Variants in ZNF701 observed in about 807,000 individuals in gnomAD.
ZNF701 encodes the protein zinc finger protein 701.
Under a neutral mutation model 7.1 loss-of-function variants are expected in ZNF701, and 6 were observed. The ratio of observed to expected loss-of-function variants is 0.84; its 90% CI spans 0.46 to 1.66. The LOEUF is 1.66. ZNF701 is among the 40% of genes most tolerant of loss of function. The pLI, the probability that ZNF701 is intolerant of heterozygous loss-of-function variation, is 0.01. For synonymous variants in ZNF701, 166 were observed against 188.2 expected, an observed-to-expected ratio of 0.88 and a Z score of 0.97; for missense variants, 541 against 559.2, an observed-to-expected ratio of 0.97 and a Z score of 0.33.
chr19:52,570,571 G>A (rs576546592), intron 1 of ZNF701: 36 of 152,376 alleles, frequency 2.4e-4, no homozygotes, highest in African/African-American at 8.4e-4. Context: ...CTATCGCGTA[G>A]TTTCTGTGCT....
chr19:52,599,538 C>T, the ZNF701 span, among the ~76,000 whole-genome samples: 1 of 152,108 alleles, frequency 6.6e-6, no homozygotes, highest in African/African-American at 2.4e-5. Context: ...GATAAAGTAA[C>T]CTTCCTTGAA....
downstream of ZNF701, chr19:52,588,558 G>A: frequency 2.6e-6 from 1 of 385,238 alleles, no homozygotes; most frequent in Non-Finnish European, 5.0e-6. Flanking sequence ...CTCATGCTAT[G>A]TAAGGAAGCC....
chr19:52,593,750 A>T, the ZNF701 span, among the ~76,000 whole-genome samples: 1 of 103,366 alleles, frequency 9.7e-6, no homozygotes, highest in African/African-American at 3.8e-5. Flanking sequence ...CGCTCCTCAC[A>T]TCCCAGACGG....
chr19:52,597,606 C>T, the ZNF701 span: 5 of 357,530 alleles, frequency 1.4e-5, no homozygotes, highest in South Asian at 2.2e-5. Flanking sequence ...CTTTGGGAGC[C>T]CAAGGCTGAT....
downstream of ZNF701, among the ~76,000 whole-genome samples, chr19:52,589,357 C>T (rs1430748227): frequency 6.6e-6 from 1 of 152,098 alleles, no homozygotes; most frequent in Admixed American, 6.6e-5. Context: ...CTTTGCTGAG[C>T]ATACTTTTCA....
chr19:52,582,839 C>CCAT lies in ZNF701; in HGVS notation c.781_783dup (p.His261dup). On this transcript the variant is annotated inframe_insertion, in exon 4 of 4. Coordinates refer to ENST00000391785, the MANE Select transcript of ZNF701 (RefSeq NM_018260.3). ...TTCATCAGAAGCGATACCTTGCATGCCATAGATGTCACACTGGTGAGAATC... is the reference window on the plus strand; with the variant it reads ...TTCATCAGAAGCGATACCTTGCATGCCATCATAGATGTCACACTGGTGAGAATC... 2 of 1,614,106 alleles carry CCAT rather than the reference C, an allele frequency of 1.2e-6. No individual in the cohort carries two copies. The highest frequency in any genetic ancestry group is 1.7e-6 in the Non-Finnish European group (2 of 1,180,012).
chr19:52,588,794 A>G (rs2060025529), downstream of ZNF701, among the ~76,000 whole-genome samples: 2 of 152,052 alleles, frequency 1.3e-5, no homozygotes, highest in South Asian at 4.1e-4. Context: ...CCCAGGCTGG[A>G]GTTCACTGGA....
intron 3 of ZNF701, among the ~76,000 whole-genome samples, chr19:52,578,545 T>G (rs995011306): frequency 6.6e-5 from 10 of 152,286 alleles, no homozygotes; most frequent in African/African-American, 2.2e-4. Context: ...TTGTCTTATG[T>G]CTTTATTTAT....
Position 52,582,784 on chromosome 19 carries a change from A to G in ZNF701, c.725A>G (p.Gln242Arg), listed in dbSNP as rs2059984313. ...KHQIIHLGDKQYKCDVCGKDF... is the reference protein window; with the variant it reads ...KHQIIHLGDKRYKCDVCGKDF... ...CAGATAATCCATTTAGGAGACAAAC[A>G]GTATAAATGTGATGTATGCGGCAAG... is the stretch of plus-strand genomic sequence containing the variant. Residue 242 changes from glutamine (Q) to arginine (R), a missense_variant, in exon 4 of 4, where the codon CAG becomes CGG. Gln to Arg is a conservative substitution (Grantham distance 43, BLOSUM62 1). Transcript: ENST00000391785. 6.2e-7 allele frequency: 1 copy of G among 1,614,218 alleles called. No homozygotes were observed. The highest frequency in any genetic ancestry group is 2.2e-5 in the East Asian group (1 of 44,884).
intron 3 of ZNF701, among the ~76,000 whole-genome samples, chr19:52,580,011 A>T (rs1188806703): frequency 2.1e-5 from 3 of 142,554 alleles, no homozygotes; most frequent in African/African-American, 9.1e-5. Context: ...GCACGATCTC[A>T]GCTCACTGCA....
At chr19:52,574,425 G>A (rs2059920260) in intron 2 of ZNF701, among the ~76,000 whole-genome samples, 1 of 152,162 alleles carries the variant, frequency 6.6e-6, no homozygotes, top group Non-Finnish European at 1.5e-5. Context: ...TGAGGGTCCC[G>A]CAGTGTCAGT....
the ZNF701 span, among the ~76,000 whole-genome samples, chr19:52,593,375 AC>A: frequency 8.8e-6 from 1 of 114,174 alleles, no homozygotes; most frequent in Non-Finnish European, 1.9e-5. Flanking sequence ...GGCGCCCCTC[AC>A]CTCCCGGATG....
chr19:52,598,267 C>G, the ZNF701 span, among the ~76,000 whole-genome samples: 4 of 152,188 alleles, frequency 2.6e-5, no homozygotes, highest in African/African-American at 9.6e-5. Flanking sequence ...TTCAAACAAT[C>G]GAAGGTAAAA....
intron 1 of ZNF701, among the ~76,000 whole-genome samples, chr19:52,573,502 G>A (rs2146978762): frequency 6.6e-6 from 1 of 152,204 alleles, no homozygotes; most frequent in Admixed American, 6.5e-5. Flanking sequence ...CTTCCAGAGT[G>A]CTAGTATTAC....
At chr19:52,594,741 G>C in the ZNF701 span, among the ~76,000 whole-genome samples, 5 of 149,176 alleles carry the variant, frequency 3.4e-5, no homozygotes, top group African/African-American at 1.2e-4. Flanking sequence ...TCGAACTCCC[G>C]ACCTCAGGTG....
chr19:52,570,791 A>G (rs994913768), intron 1 of ZNF701: 2 of 152,320 alleles, frequency 1.3e-5, no homozygotes, highest in Non-Finnish European at 2.9e-5. Flanking sequence ...CTCCCGCCTC[A>G]TGCTGGGCCT....
At chr19:52,593,049 A>C in the ZNF701 span, among the ~76,000 whole-genome samples, 1 of 117,468 alleles carries the variant, frequency 8.5e-6, no homozygotes. Context: ...TAATCCATTC[A>C]ACCCTGAGTG....
Position 52,582,815 on chromosome 19 carries a change from T to C in ZNF701, c.756T>C (p.Phe252=), listed in dbSNP as rs1311467499. Residue 252 remains phenylalanine, a synonymous_variant, in exon 4 of 4, where the codon TTT becomes TTC. Coordinates refer to ENST00000391785, the MANE Select transcript of ZNF701 (RefSeq NM_018260.3). ...QYKCDVCGKD[F]HQKRYLACHR... ...AATGTGATGTATGCGGCAAGGACTT[T>C]CATCAGAAGCGATACCTTGCATGCC... 1.2e-6 allele frequency: 2 copies of C among 1,614,186 alleles called. No homozygotes were observed. The highest frequency in any genetic ancestry group is 1.7e-6 in the Non-Finnish European group (2 of 1,180,030).
intron 3 of ZNF701, among the ~76,000 whole-genome samples, chr19:52,578,533 CTT>C (rs1568503015): frequency 1.3e-5 from 2 of 152,158 alleles, no homozygotes; most frequent in Non-Finnish European, 2.9e-5. Flanking sequence ...CTCTTTATCT[CTT>C]TGTCTTATGT....
Sources: allele counts gnomAD v4.1 joint callset (sites outside exome capture counted in the v4.1 genomes callset), GRCh38; gene constraint gnomAD v4.1.1; transcripts MANE v1.5; gene names NCBI Gene and HGNC (gene_info 2026-07-23, HGNC 2026-07-21).